The following AGBL1 variants were observed in gnomAD, a reference collection of about 807,000 sequenced individuals.
The protein encoded by AGBL1 is cytosolic carboxypeptidase 4.
A neutral mutation model predicts 118.9 loss-of-function variants in AGBL1; 130 were observed. The observed-to-expected ratio is 1.09, with a 90% CI of 0.95 to 1.26. The LOEUF (loss-of-function observed/expected upper bound fraction) is 1.26, where lower values mean the gene tolerates loss of function less well. Among genes scored for constraint, AGBL1 ranks in the 50% most tolerant of loss-of-function variants. The probability of loss-of-function intolerance (pLI) is 0.00; values close to 1 mark genes in which losing one functional copy is unlikely to be tolerated. For missense variants in AGBL1, 1,584 were observed against 1,298.1 expected (o/e 1.22, Z -3.38); for synonymous variants, 555 against 478.9 (o/e 1.16, Z -2.08).
intron 21 of AGBL1, among the ~76,000 whole-genome samples, chr15:86,594,551 T>C (rs1342555712): frequency 8.5e-5 from 13 of 152,238 alleles, no homozygotes; most frequent in Admixed American, 8.5e-4. Context: ...GTGGGAATGC[T>C]TTTTATAATG....
At chr15:86,769,223 GAGGAA>G (rs1485112978) in intron 22 of AGBL1, among the ~76,000 whole-genome samples, 2 of 123,336 alleles carry the variant, frequency 1.6e-5, no homozygotes. Flanking sequence ...GAGAGAGAGA[GAGGAA>G]AGGAGAGGGA....
At chr15:86,312,804 G>T (rs991728835) in intron 17 of AGBL1, among the ~76,000 whole-genome samples, 9 of 152,270 alleles carry the variant, frequency 5.9e-5, no homozygotes, top group African/African-American at 1.9e-4. Context: ...GACCAGCAGG[G>T]CTCTCTGTAC....
At chr15:86,827,110 G>A (rs1229174079) in intron 22 of AGBL1, among the ~76,000 whole-genome samples, 1 of 150,458 alleles carries the variant, frequency 6.6e-6, no homozygotes, top group Admixed American at 6.7e-5. Flanking sequence ...GGATTACTAT[G>A]TATGAGGAGC....
chr15:86,359,050 G>A (rs908564888), intron 17 of AGBL1, among the ~76,000 whole-genome samples: 2 of 150,854 alleles, frequency 1.3e-5, no homozygotes, highest in African/African-American at 2.4e-5. Context: ...GTCTATTTTC[G>A]CTTTTGTTGA....
chr15:86,738,261 C>G (rs1210331985), intron 22 of AGBL1, among the ~76,000 whole-genome samples: 1 of 152,270 alleles, frequency 6.6e-6, no homozygotes, highest in Non-Finnish European at 1.5e-5. Context: ...GACAATTACA[C>G]AGCTAACATC....
At chr15:86,965,722 A>G (rs1415407768) in intron 23 of AGBL1, among the ~76,000 whole-genome samples, 1 of 152,166 alleles carries the variant, frequency 6.6e-6, no homozygotes, top group South Asian at 2.1e-4. Flanking sequence ...ATGAAGCTGG[A>G]AAAACATCGT....
At chr15:86,821,382 A>G (rs2078941678) in intron 22 of AGBL1, among the ~76,000 whole-genome samples, 1 of 152,338 alleles carries the variant, frequency 6.6e-6, no homozygotes, top group Non-Finnish European at 1.5e-5. Context: ...TAGGGAGAAT[A>G]ACATTGAATT....
At chr15:86,142,214 A>G in intron 2 of AGBL1, 147 bp downstream of exon 2, 1 of 738,072 alleles carries the variant, frequency 1.4e-6, no homozygotes, top group Non-Finnish European at 2.2e-6. Context: ...TTTTTTCTCT[A>G]AGGTTAATAA....
At chr15:86,262,703 C>T (rs2079012242) in intron 9 of AGBL1, 75 bp from the exon 10 acceptor site, 1 of 977,860 alleles carries the variant, frequency 1.0e-6, no homozygotes, top group Non-Finnish European at 1.6e-6. Context: ...TGAAGAAGCA[C>T]ATACATATCA....
intron 22 of AGBL1, among the ~76,000 whole-genome samples, chr15:86,715,977 A>G (rs1232863029): frequency 6.6e-6 from 1 of 151,692 alleles, no homozygotes; most frequent in Non-Finnish European, 1.5e-5. Context: ...GAGGCAGGAG[A>G]ATCACTTGAA....
At chr15:86,771,803 C>T (rs550877538) in intron 22 of AGBL1, among the ~76,000 whole-genome samples, 1 of 152,124 alleles carries the variant, frequency 6.6e-6, no homozygotes, top group South Asian at 2.1e-4. Flanking sequence ...ACCATTCTGC[C>T]TCTCTTAGCT....
At chr15:86,480,398 A>ATGTTAGAGTTCTAACAT (rs1185724003) in intron 18 of AGBL1, among the ~76,000 whole-genome samples, 1 of 152,072 alleles carries the variant, frequency 6.6e-6, no homozygotes, top group Non-Finnish European at 1.5e-5. Context: ...TTTTTCTCTT[A>ATGTTAGAGTTCTAACAT]AATGCTTATG....
At chr15:86,782,830 A>G (rs148306127) in intron 22 of AGBL1, among the ~76,000 whole-genome samples, 2 of 152,340 alleles carry the variant, frequency 1.3e-5, no homozygotes, top group Non-Finnish European at 2.9e-5. Context: ...GAAGGTCAGC[A>G]GTGAAATGTT....
intron 21 of AGBL1, among the ~76,000 whole-genome samples, chr15:86,610,459 T>A (rs1397756525): frequency 6.6e-6 from 1 of 152,190 alleles, no homozygotes; most frequent in East Asian, 1.9e-4. Context: ...AGACACTTTC[T>A]TGGATGTGAA....
rs78295741 is a variant in AGBL1 at position 86,879,799 on chromosome 15, C to T, written c.3159-27288C>T. ...TTTGTGGGTGTTTGTCAGAGGTGGC[C>T]ACAGGCTTCGTGCCAGGGCTCTGGG... On this transcript the variant is annotated intron_variant, in intron 22 of 22. Coordinates refer to ENST00000614907, the MANE Select transcript of AGBL1 (RefSeq NM_001386094.1). 9.7e-3 allele frequency among the ~76,000 whole-genome samples: 1,481 copies of T among 152,150 alleles called. 70 individuals carry two copies. The East Asian group carries it at 0.16, about 16-fold the overall frequency.
chr15:86,091,200 C>G (rs185832859), intron 1 of AGBL1, among the ~76,000 whole-genome samples: 35 of 152,208 alleles, frequency 2.3e-4, no homozygotes, highest in African/African-American at 7.9e-4. Flanking sequence ...TGTTATTGTT[C>G]ATATGTCTAT....
At chr15:86,471,993 A>C (rs766932819) in intron 18 of AGBL1, among the ~76,000 whole-genome samples, 1 of 152,222 alleles carries the variant, frequency 6.6e-6, no homozygotes, top group Non-Finnish European at 1.5e-5. Context: ...GAGAGGACAC[A>C]CAAAGAAGAA....
chr15:86,383,061 T>C (rs2040155110), intron 17 of AGBL1, among the ~76,000 whole-genome samples: 2 of 151,952 alleles, frequency 1.3e-5, no homozygotes, highest in South Asian at 4.2e-4. Flanking sequence ...ACTCTTACAT[T>C]TTCACCTTCT....
intron 22 of AGBL1, among the ~76,000 whole-genome samples, chr15:86,763,099 G>C (rs1412241484): frequency 6.6e-6 from 1 of 152,002 alleles, no homozygotes; most frequent in Non-Finnish European, 1.5e-5. Flanking sequence ...TTGCATTACT[G>C]TAAGTGCATT....
Sources: allele counts gnomAD v4.1 joint callset (sites outside exome capture counted in the v4.1 genomes callset), GRCh38; gene constraint gnomAD v4.1.1; transcripts MANE v1.5; gene names NCBI Gene and HGNC (gene_info 2026-07-23, HGNC 2026-07-21).